Variants in AKAP7 observed in about 807,000 individuals in gnomAD.
AKAP7 encodes A kinase (PRKA) anchor protein 7.
AKAP7 carries 39 observed loss-of-function variants against 39.5 expected under a neutral mutation model. That is an observed-to-expected ratio of 0.99 (90% confidence interval 0.76 to 1.29). The LOEUF is 1.29. AKAP7 is among the 50% of genes most tolerant of loss of function. The pLI, the probability that AKAP7 is intolerant of heterozygous loss-of-function variation, is 0.00. For missense variants in AKAP7, 414 were observed against 407.7 expected, an observed-to-expected ratio of 1.02 and a Z score of -0.13; for synonymous variants, 140 against 139.1, an observed-to-expected ratio of 1.01 and a Z score of -0.05.
In AKAP7 at chr6:131,282,790, G is replaced by GTGTT. The variant is rs1265929591; in HGVS notation, c.*1066_*1069dup. 1.4e-5 allele frequency: 7 copies of GTGTT among 497,466 alleles called. No individual in the cohort carries two copies. In the East Asian group the frequency reaches 1.9e-4, roughly 13 times the overall value. 30.8% of individuals were successfully genotyped at this position (497,466 alleles called of 1,614,324 possible). A position where few individuals can be genotyped will look rare whatever the true frequency, so the allele number is the denominator to read the frequency against. On this transcript the variant is annotated 3_prime_UTR_variant, in exon 8 of 8. Coordinates refer to ENST00000431975, the MANE Select transcript of AKAP7 (RefSeq NM_016377.4). The stretch of plus-strand genomic sequence containing the variant: ...CCCAATTATTTTTTGAGCTACACTT[G>GTGTT]TGTTTTAGAATATCTGTTTCTGTAA...
intron 6 of AKAP7, among the ~76,000 whole-genome samples, chr6:131,207,067 T>A (rs1005225197): frequency 4.6e-5 from 7 of 152,164 alleles, no homozygotes; most frequent in African/African-American, 1.7e-4. Flanking sequence ...GAAGGACTCT[T>A]GACTCCTGTG....
chr6:131,145,454 A>G lies in AKAP7; in HGVS notation c.151+38A>G, dbSNP rs768264997. On this transcript the variant is annotated intron_variant, in intron 2 of 7. Coordinates refer to ENST00000431975, the MANE Select transcript of AKAP7 (RefSeq NM_016377.4). ...TTAAGTAAACGCGTATTTAGAAGCA[A>G]TGAGTAGTAAATTTAGTTATATATA... 122 of 1,316,464 alleles carry G rather than the reference A, an allele frequency of 9.3e-5. 4 individuals are homozygous for G. In the South Asian group the frequency reaches 2.5e-3, roughly 27 times the overall value. 81.5% of individuals were successfully genotyped at this position (1,316,464 alleles called of 1,614,324 possible). A position where few individuals can be genotyped will look rare whatever the true frequency, so the allele number is the denominator to read the frequency against.
At chr6:131,138,439 T>G (rs1327111282) in intron 1 of AKAP7, among the ~76,000 whole-genome samples, 1 of 152,216 alleles carries the variant, frequency 6.6e-6, no homozygotes, top group Non-Finnish European at 1.5e-5. Context: ...GGCATTTAAG[T>G]TTTGTTCCAC....
intron 5 of AKAP7, among the ~76,000 whole-genome samples, chr6:131,173,776 G>C (rs1012102321): frequency 6.6e-6 from 1 of 152,162 alleles, no homozygotes; most frequent in East Asian, 1.9e-4. Flanking sequence ...GCTAGACTTA[G>C]AGCTTTTCTT....
At chr6:131,159,863 C>T (rs555708616) in intron 2 of AKAP7, among the ~76,000 whole-genome samples, 196 bp from the exon 3 acceptor site, 10 of 152,306 alleles carry the variant, frequency 6.6e-5, no homozygotes, top group Admixed American at 1.3e-4. Flanking sequence ...GAGTAGTTAA[C>T]GGCAGAGACT....
intron 5 of AKAP7, among the ~76,000 whole-genome samples, chr6:131,183,777 G>A (rs542277120): frequency 1.3e-4 from 20 of 152,190 alleles, no homozygotes; most frequent in African/African-American, 4.3e-4. Context: ...AGAATCCTAC[G>A]TAGCAGGAAC....
chr6:131,259,033 G>A (rs760908286), intron 7 of AKAP7, among the ~76,000 whole-genome samples: 3 of 152,136 alleles, frequency 2.0e-5, no homozygotes, highest in Non-Finnish European at 2.9e-5. Context: ...CACTCTAAAC[G>A]ACCTGGCTCA....
chr6:131,256,704 G>A lies in AKAP7; in HGVS notation c.851-24826G>A, dbSNP rs184029291. Among the ~76,000 whole-genome samples, 406 of 124,992 alleles carry A rather than the reference G, an allele frequency of 3.2e-3. 1 individual carries two copies. Among genetic ancestry groups the A allele is most frequent in the African/African-American group, 0.011 (387 of 34,380 alleles). 82.0% of individuals were successfully genotyped at this position (124,992 alleles called of 152,430 possible). ...TTTCATATCTGAATTACTCCTTCCT[G>A]GGACATTATTATTATTATTATTATT... On this transcript the variant is annotated intron_variant, in intron 7 of 7. Transcript: ENST00000431975.
intron 7 of AKAP7, among the ~76,000 whole-genome samples, chr6:131,259,537 TGTTA>T (rs761092895): frequency 8.5e-5 from 13 of 152,282 alleles, no homozygotes; most frequent in Non-Finnish European, 1.6e-4. Flanking sequence ...GGACAGTGAG[TGTTA>T]GTTTAACACA....
intron 3 of AKAP7, among the ~76,000 whole-genome samples, chr6:131,161,961 T>A (rs1038462097): frequency 7.2e-5 from 11 of 152,138 alleles, no homozygotes; most frequent in African/African-American, 2.7e-4. Flanking sequence ...CCAGGTTCTG[T>A]ATTTTGATTT....
intron 7 of AKAP7, among the ~76,000 whole-genome samples, chr6:131,241,627 G>GTGTGTGTGTGTGTATATA: frequency 1.2e-5 from 1 of 86,638 alleles, no homozygotes; most frequent in African/African-American, 5.0e-5. Flanking sequence ...GTGTGTGTGT[G>GTGTGTGTGTGTGTATATA]TATATATATA....
At chr6:131,160,677 G>T (rs1309325839) in intron 3 of AKAP7, among the ~76,000 whole-genome samples, 2 of 152,136 alleles carry the variant, frequency 1.3e-5, no homozygotes, top group Admixed American at 1.3e-4. Context: ...ATCTCTGTTG[G>T]GAAGGTAAAC....
intron 2 of AKAP7, among the ~76,000 whole-genome samples, chr6:131,155,179 A>C (rs531981697): frequency 6.6e-6 from 1 of 152,164 alleles, no homozygotes; most frequent in African/African-American, 2.4e-5. Context: ...ATGCCTGGTT[A>C]ATTTCTAAAT....
chr6:131,272,743 A>G (rs1814397271), intron 7 of AKAP7, among the ~76,000 whole-genome samples: 1 of 152,222 alleles, frequency 6.6e-6, no homozygotes, highest in African/African-American at 2.4e-5. Flanking sequence ...ATTTTTAACT[A>G]TTGAGACTTG....
chr6:131,147,065 G>T (rs771404142), intron 2 of AKAP7, among the ~76,000 whole-genome samples: 2 of 152,148 alleles, frequency 1.3e-5, no homozygotes, highest in Non-Finnish European at 1.5e-5. Context: ...TGTCCATGAA[G>T]CCTTTCTAGG....
At chr6:131,184,778 TG>T in intron 5 of AKAP7, 1 of 1,296,710 alleles carries the variant, frequency 7.7e-7, no homozygotes, top group South Asian at 1.2e-5. Flanking sequence ...GAGTCTTCTT[TG>T]TCCTCGCCCT....
chr6:131,262,768 C>G (rs1337858124), intron 7 of AKAP7, among the ~76,000 whole-genome samples: 2 of 152,090 alleles, frequency 1.3e-5, no homozygotes, highest in Admixed American at 6.5e-5. Context: ...AAAATAATTT[C>G]TTCTAAGTTT....
At chr6:131,153,987 A>G (rs1221374182) in intron 2 of AKAP7, among the ~76,000 whole-genome samples, 1 of 152,140 alleles carries the variant, frequency 6.6e-6, no homozygotes, top group Non-Finnish European at 1.5e-5. Context: ...AGGAACGTGG[A>G]TCACCTGAGG....
rs983624819 is a variant in AKAP7 at position 131,242,039 on chromosome 6, A to C, written c.850+22231A>C. 1.7e-5 allele frequency: 17 copies of C among 978,294 alleles called. No individual in the cohort carries two copies. The East Asian group carries it at 3.4e-4, about 20-fold the overall frequency. 60.6% of individuals were successfully genotyped at this position (978,294 alleles called of 1,614,324 possible). ...ATTCTGTCTTTTTTAATTAACCCAC[A>C]GGGATCCTTTGATATTGTATCTGAC... On this transcript the variant is annotated intron_variant, in intron 7 of 7. Transcript: ENST00000431975.
Sources: allele counts gnomAD v4.1 joint callset (sites outside exome capture counted in the v4.1 genomes callset), GRCh38; gene constraint gnomAD v4.1.1; transcripts MANE v1.5; gene names NCBI Gene and HGNC (gene_info 2026-07-23, HGNC 2026-07-21).